The following CST8 variants were observed in gnomAD, a reference collection of about 807,000 sequenced individuals.
CST8 encodes cystatin 8.
Under a neutral mutation model 11.8 loss-of-function variants are expected in CST8, and 20 were observed. That is an observed-to-expected ratio of 1.70 (90% CI 1.20 to 2.47). The LOEUF is 2.47. Ranked by LOEUF, CST8 falls within the 30% of genes most tolerant of loss-of-function variation. The probability of loss-of-function intolerance (pLI) is 0.00; values close to 1 mark genes in which losing one functional copy is unlikely to be tolerated. For synonymous variants in CST8, 77 were observed against 63.1 expected (o/e 1.22, Z -1.05); for missense variants, 196 against 167.2 (o/e 1.17, Z -0.95).
downstream of CST8, chr20:23,496,130 A>G (rs2983291): frequency 0.47 from 251,554 of 534,126 alleles, 62,798 homozygotes; most frequent in Non-Finnish European, 0.52. Flanking sequence ...GTTCAGCTTG[A>G]TGGTCTACCC....
chr20:23,501,516 G>T, the CST8 span, among the ~76,000 whole-genome samples: 2 of 152,222 alleles, frequency 1.3e-5, no homozygotes. Flanking sequence ...TCGCTATGGA[G>T]GGGACAGAGT....
At chr20:23,497,333 G>A (rs1328900894), downstream of CST8, among the ~76,000 whole-genome samples, 2 of 121,896 alleles carry the variant, frequency 1.6e-5, no homozygotes, top group East Asian at 2.0e-4. Context: ...GAATCCCTTT[G>A]GCTTGGGTAA....
chr20:23,503,593 T>C, the CST8 span, among the ~76,000 whole-genome samples: 1 of 151,876 alleles, frequency 6.6e-6, no homozygotes, highest in African/African-American at 2.4e-5. Flanking sequence ...AAACCACAAA[T>C]AGAGCTAAAG....
chr20:23,502,026 C>T, the CST8 span, among the ~76,000 whole-genome samples: 1 of 152,152 alleles, frequency 6.6e-6, no homozygotes, highest in African/African-American at 2.4e-5. Flanking sequence ...GATAAAACTC[C>T]AAATCTGACA....
At chr20:23,496,641 A>G (rs1988054262), downstream of CST8, among the ~76,000 whole-genome samples, 1 of 152,216 alleles carries the variant, frequency 6.6e-6, no homozygotes, top group African/African-American at 2.4e-5. Context: ...ACCAAACTTT[A>G]TTAGGTGGGA....
chr20:23,492,420 G>A (rs1987915969), intron 2 of CST8, among the ~76,000 whole-genome samples: 1 of 152,246 alleles, frequency 6.6e-6, no homozygotes, highest in Admixed American at 6.5e-5. Context: ...GAACAAGACA[G>A]GCAAACTCAT....
At chr20:23,499,893 G>T (rs1988142045), downstream of CST8, among the ~76,000 whole-genome samples, 1 of 151,878 alleles carries the variant, frequency 6.6e-6, no homozygotes, top group Non-Finnish European at 1.5e-5. Context: ...AATTTATAAA[G>T]AAGAAGTTTA....
At chr20:23,503,042 C>T in the CST8 span, among the ~76,000 whole-genome samples, 14 of 152,056 alleles carry the variant, frequency 9.2e-5, no homozygotes, top group South Asian at 2.5e-3. Flanking sequence ...CAGTTTCCCA[C>T]GGCAGGTGTC....
At chr20:23,492,246 A>G (rs1294337128) in intron 2 of CST8, among the ~76,000 whole-genome samples, 11 of 152,264 alleles carry the variant, frequency 7.2e-5, no homozygotes, top group African/African-American at 2.7e-4. Context: ...CCCAACTAGC[A>G]GACACTCCTT....
rs141378445 is a variant in CST8 at position 23,494,912 on chromosome 20, G to C, written c.346-919G>C. Among the ~76,000 whole-genome samples the C allele has an allele frequency of 4.5e-3, 692 of 152,222 alleles. 4 individuals carry two copies. Among genetic ancestry groups the C allele is most frequent in the African/African-American group, 0.016 (665 of 41,526 alleles). ...GGTGTACAGATTATTTCATCACACA[G>C]GTAGTAAGCACAGTACCCGATATGG... On this transcript the variant is annotated intron_variant, in intron 3 of 3. Transcript: ENST00000246012.
In CST8 at chr20:23,495,961, GA is replaced by G; in HGVS notation, c.*51del. 6.9e-7 allele frequency: 1 copy of G among 1,439,558 alleles called. No homozygotes were observed. The highest frequency in any genetic ancestry group is 9.6e-7 in the Non-Finnish European group (1 of 1,040,294). The allele number at this position is 1,439,558 out of a possible 1,614,324, so 89.2% of individuals were successfully genotyped here. A position where few individuals can be genotyped will look rare whatever the true frequency, so the allele number is the denominator to read the frequency against. On this transcript the variant is annotated 3_prime_UTR_variant, in exon 4 of 4. Coordinates refer to ENST00000246012, the MANE Select transcript of CST8 (RefSeq NM_005492.4). ...CAACCTCTGTGACTACTTTATCCAT[GA>G]AAATGAAGCAATGGCAGGTGGGAGG... is the stretch of plus-strand genomic sequence containing the variant.
chr20:23,503,699 G>C, the CST8 span, among the ~76,000 whole-genome samples: 2 of 152,252 alleles, frequency 1.3e-5, no homozygotes, highest in East Asian at 3.8e-4. Flanking sequence ...TGCAAATGAA[G>C]ATGTGGCTCC....
At chr20:23,498,488 A>C (rs1168302581), downstream of CST8, among the ~76,000 whole-genome samples, 1 of 152,174 alleles carries the variant, frequency 6.6e-6, no homozygotes, top group Non-Finnish European at 1.5e-5. Context: ...GCCTCAAACT[A>C]CTTTTTCCTC....
At chr20:23,495,350 T>C (rs1218437643) in intron 3 of CST8, among the ~76,000 whole-genome samples, 2 of 152,276 alleles carry the variant, frequency 1.3e-5, no homozygotes, top group African/African-American at 4.8e-5. Flanking sequence ...GGTAATTCTG[T>C]TTTTAGTTCT....
chr20:23,499,859 CTGTT>C (rs1380796036), downstream of CST8, among the ~76,000 whole-genome samples: 1 of 152,108 alleles, frequency 6.6e-6, no homozygotes, highest in Non-Finnish European at 1.5e-5. Flanking sequence ...CGATAAAAGT[CTGTT>C]TGTGTTATCT....
intron 2 of CST8, 47 bp from the exon 3 acceptor site, chr20:23,492,911 A>G (rs762049689): frequency 1.0e-5 from 12 of 1,144,258 alleles, no homozygotes; most frequent in African/African-American, 1.5e-5. Flanking sequence ...AAAACTTTAA[A>G]AAAGTACAAC....
At chr20:23,499,844 T>A (rs1279579367), downstream of CST8, among the ~76,000 whole-genome samples, 3 of 152,166 alleles carry the variant, frequency 2.0e-5, no homozygotes, top group Admixed American at 2.0e-4. Flanking sequence ...AGTCTGTTTG[T>A]GTTGCGATAA....
chr20:23,497,458 G>C (rs1043592574), downstream of CST8, among the ~76,000 whole-genome samples: 1 of 152,178 alleles, frequency 6.6e-6, no homozygotes, highest in Non-Finnish European at 1.5e-5. Context: ...CAGGTCATTT[G>C]GTCTGGGGGA....
intron 2 of CST8, 68 bp from the exon 3 acceptor site, chr20:23,492,890 T>C: frequency 1.1e-6 from 1 of 915,342 alleles, no homozygotes; most frequent in Non-Finnish European, 1.8e-6. Context: ...GAGTAATTTT[T>C]TTTTTTTGTC....
Sources: allele counts gnomAD v4.1 joint callset (sites outside exome capture counted in the v4.1 genomes callset), GRCh38; gene constraint gnomAD v4.1.1; transcripts MANE v1.5; gene names NCBI Gene and HGNC (gene_info 2026-07-23, HGNC 2026-07-21).